COP1: variants seen among roughly 807,000 people sequenced by gnomAD.
The protein encoded by COP1 is COP1 E3 ubiquitin ligase.
Under a neutral mutation model 101.3 loss-of-function variants are expected in COP1, and 24 were observed. The observed-to-expected ratio is 0.24, with a 90% CI of 0.17 to 0.33. The LOEUF (loss-of-function observed/expected upper bound fraction) is 0.33. COP1 is among the 10% of genes least tolerant of loss of function. COP1 has a pLI of 1.00. For missense variants in COP1, 663 were observed against 906.2 expected, an observed-to-expected ratio of 0.73 and a Z score of 3.45; for synonymous variants, 347 against 341.9, an observed-to-expected ratio of 1.01 and a Z score of -0.17.
chr1:176,079,186 T>C (rs1272092433), intron 11 of COP1, among the ~76,000 whole-genome samples: 1 of 152,132 alleles, frequency 6.6e-6, no homozygotes, highest in Non-Finnish European at 1.5e-5. Flanking sequence ...ACACATGCAC[T>C]GGTATGTTCA....
At chr1:175,994,809 C>T (rs537605343) in intron 15 of COP1, among the ~76,000 whole-genome samples, 32 of 152,244 alleles carry the variant, frequency 2.1e-4, no homozygotes, top group Middle Eastern at 6.8e-3. Context: ...GACTTTAACA[C>T]GCCACTGTCA....
At chr1:175,952,337 G>A (rs144600682) in intron 18 of COP1, among the ~76,000 whole-genome samples, 3 of 150,778 alleles carry the variant, frequency 2.0e-5, no homozygotes, top group Non-Finnish European at 4.4e-5. Context: ...TGGGAGAATC[G>A]CTTGAACCTG....
chr1:175,978,382 A>C (rs1047316584), intron 18 of COP1, among the ~76,000 whole-genome samples: 1 of 152,212 alleles, frequency 6.6e-6, no homozygotes, highest in South Asian at 2.1e-4. Flanking sequence ...TATTCACCAT[A>C]AAGTATCTAA....
chr1:176,178,444 T>C (rs1266814535), intron 2 of COP1, among the ~76,000 whole-genome samples: 4 of 151,674 alleles, frequency 2.6e-5, no homozygotes, highest in Non-Finnish European at 4.4e-5. Flanking sequence ...TGGGCAGAGA[T>C]TGCATCACTA....
chr1:176,100,025 A>G (rs1683113276), intron 9 of COP1, among the ~76,000 whole-genome samples: 1 of 152,206 alleles, frequency 6.6e-6, no homozygotes, highest in Admixed American at 6.5e-5. Flanking sequence ...TTAAACAAAT[A>G]ATCAGGCCAA....
Position 176,207,087 on chromosome 1 carries a change from AG to A in COP1, c.-110del. The A allele has an allele frequency of 1.1e-6, 1 of 885,098 alleles. No individual in the cohort carries two copies. The highest frequency in any genetic ancestry group is 2.8e-5 in the South Asian group (1 of 36,302). The allele number at this position is 885,098 out of a possible 1,614,324, so 54.8% of individuals were successfully genotyped here. On this transcript the variant is annotated 5_prime_UTR_variant, in exon 1 of 20. Transcript: ENST00000367669. ...CAGTGCATCCTGAGGACGCCCGCCG[AG>A]CCGGAGGTGGGGCTGAGGAACAATA...
rs187205845 is a variant in COP1, at chr1:176,023,588, T to C, written c.1729+3984A>G. On this transcript the variant is annotated intron_variant, in intron 15 of 19. Transcript: ENST00000367669. ...ACAAAATTAGCTGGGAGTGGTGGCA[T>C]ATGCCTGTAATCCCAGCTACTTGGG... Among the ~76,000 whole-genome samples, 399 of 151,472 alleles carry C rather than the reference T, an allele frequency of 2.6e-3. 3 individuals are homozygous for C. Among genetic ancestry groups the C allele is most frequent in the African/African-American group, 9.2e-3 (381 of 41,324 alleles).
intron 15 of COP1, among the ~76,000 whole-genome samples, chr1:176,025,671 C>T (rs2149055345): frequency 6.6e-6 from 1 of 152,176 alleles, no homozygotes; most frequent in Admixed American, 6.5e-5. Flanking sequence ...AGGCAGACTG[C>T]TTGAGCCCAG....
chr1:176,180,478 G>A (rs545377231), intron 2 of COP1, among the ~76,000 whole-genome samples: 38 of 152,030 alleles, frequency 2.5e-4, no homozygotes, highest in African/African-American at 8.7e-4. Context: ...GAGGTAAAAG[G>A]GACACATATC....
chr1:176,178,062 T>A (rs1017262565), intron 2 of COP1, among the ~76,000 whole-genome samples: 1 of 152,196 alleles, frequency 6.6e-6, no homozygotes, highest in East Asian at 1.9e-4. Context: ...AGGATTACCA[T>A]AATCACAAAA....
At chr1:176,040,595 T>G (rs940706389) in intron 14 of COP1, among the ~76,000 whole-genome samples, 1 of 152,002 alleles carries the variant, frequency 6.6e-6, no homozygotes, top group Non-Finnish European at 1.5e-5. Context: ...CAGGTGTGAG[T>G]CACCATGCCT....
chr1:176,074,733 A>G (rs942200590), intron 11 of COP1, among the ~76,000 whole-genome samples: 21 of 152,086 alleles, frequency 1.4e-4, no homozygotes, highest in Admixed American at 1.2e-3. Flanking sequence ...CAAGCTTTAA[A>G]AAAGCAATAA....
chr1:176,160,977 T>TAA (rs1219238872), intron 5 of COP1, among the ~76,000 whole-genome samples: 1 of 152,184 alleles, frequency 6.6e-6, no homozygotes, highest in Non-Finnish European at 1.5e-5. Flanking sequence ...AACTGCTTCT[T>TAA]AAACAGATTC....
At chr1:176,064,419 C>T (rs1572020156) in intron 11 of COP1, among the ~76,000 whole-genome samples, 1 of 152,122 alleles carries the variant, frequency 6.6e-6, no homozygotes, top group Non-Finnish European at 1.5e-5. Context: ...CTGGAACCAA[C>T]TTTTGAATCC....
At chr1:176,063,194 G>A (rs1024119024) in intron 11 of COP1, among the ~76,000 whole-genome samples, 4 of 151,624 alleles carry the variant, frequency 2.6e-5, no homozygotes, top group Non-Finnish European at 5.9e-5. Context: ...CGAGTAGCTG[G>A]GACTACAGGC....
chr1:175,947,330 C>T (rs1649303259), intron 18 of COP1, 91 bp from the exon 19 acceptor site: 2 of 837,494 alleles, frequency 2.4e-6, no homozygotes, highest in East Asian at 2.4e-5. Context: ...TCTTTCTTCA[C>T]TTCAATTCCT....
In COP1 at chr1:176,206,829, G is replaced by C. The variant is rs765873086; in HGVS notation, c.150C>G (p.Gly50=). Residue 50 remains glycine, a synonymous_variant, in exon 1 of 20, where the codon GGC becomes GGG. Transcript: ENST00000367669. ...VAVSAAALVS[G]GVAQAAGSGG... ...CCGAGCCGGCGGCCTGGGCCACCCC[G>C]CCGGACACCAGCGCTGCCGCCGAAA... The C allele has an allele frequency of 2.1e-6, 3 of 1,408,898 alleles. No individual in the cohort carries two copies. Among genetic ancestry groups the C allele is most frequent in the Non-Finnish European group, 2.8e-6 (3 of 1,087,740 alleles). The allele number at this position is 1,408,898 out of a possible 1,614,324, so 87.3% of individuals were successfully genotyped here.
At chr1:176,011,566 A>G (rs1293646352) in intron 15 of COP1, among the ~76,000 whole-genome samples, 1 of 152,200 alleles carries the variant, frequency 6.6e-6, no homozygotes, top group Non-Finnish European at 1.5e-5. Flanking sequence ...CCATCTTAAC[A>G]ATCAAATCAA....
At chr1:176,098,109 A>G (rs1475597168) in intron 9 of COP1, among the ~76,000 whole-genome samples, 1 of 152,176 alleles carries the variant, frequency 6.6e-6, no homozygotes, top group Non-Finnish European at 1.5e-5. Context: ...TTAAGGTTAT[A>G]ACCTGCCTTT....
Sources: gnomAD v4.1 joint callset for allele counts (sites outside exome capture counted in the v4.1 genomes callset) on GRCh38, gnomAD v4.1.1 for gene constraint, MANE v1.5 for transcripts, NCBI Gene and HGNC (gene_info 2026-07-23, HGNC 2026-07-21) for gene names.